PCDHGA4: variants seen among roughly 807,000 people sequenced by gnomAD.
The protein encoded by PCDHGA4 is protocadherin gamma subfamily A, 4.
PCDHGA4 carries 38 observed loss-of-function variants against 54.6 expected under a neutral mutation model. The ratio of observed to expected loss-of-function variants is 0.70; its 90% CI spans 0.54 to 0.91. The LOEUF (loss-of-function observed/expected upper bound fraction) is 0.91. Ranked by LOEUF, PCDHGA4 falls within the 40% of genes least tolerant of loss-of-function variation. The pLI is 0.00. For missense variants in PCDHGA4, 1,298 were observed against 1,220.9 expected, an observed-to-expected ratio of 1.06 and a Z score of -0.94; for synonymous variants, 511 against 512.9, an observed-to-expected ratio of 1.00 and a Z score of 0.05.
At chr5:141,364,352 T>C in intron 1 of PCDHGA4, 1 of 1,551,202 alleles carries the variant, frequency 6.4e-7, no homozygotes, top group Non-Finnish European at 8.7e-7. Context: ...ACCTAGGGGC[T>C]GGGGCTGCGG....
intron 1 of PCDHGA4, chr5:141,392,581 C>T: frequency 2.2e-6 from 1 of 463,442 alleles, no homozygotes; most frequent in Non-Finnish European, 3.8e-6. Context: ...GGACTGTAAG[C>T]GCCGCTGTTC....
Position 141,355,737 on chromosome 5 carries a change from C to T in PCDHGA4, c.630C>T (p.Ser210=). The change falls in exon 1 of 4, where the codon TCC becomes TCT. Residue 210 remains serine, a synonymous_variant. Transcript: ENST00000571252. ...AGCTCAACTCAAACGGTTACTTTTC[C>T]CTGGACGTGCAAAGTGGGGCCGATG... is the stretch of plus-strand genomic sequence containing the variant. ...GYQLNSNGYF[S]LDVQSGADGI... is the part of the protein sequence containing the mutation. 6.2e-7 allele frequency: 1 copy of T among 1,613,966 alleles called. No individual in the cohort carries two copies. Among genetic ancestry groups the T allele is most frequent in the Non-Finnish European group, 8.5e-7 (1 of 1,179,880 alleles).
At position 141,431,392 on chromosome 5, in the gene PCDHGA4, C is replaced by T. The variant is rs572129534; in HGVS notation, c.2515-63415C>T. 3 of 1,613,888 alleles carry T rather than the reference C, an allele frequency of 1.9e-6. No homozygotes were observed. Among genetic ancestry groups the T allele is most frequent in the Non-Finnish European group, 2.5e-6 (3 of 1,180,048 alleles). On this transcript the variant is annotated intron_variant, in intron 1 of 3. Transcript: ENST00000571252. The surrounding 1 kb of genome is among the most constrained non-coding windows in gnomAD (Gnocchi z 4.8). ...AAGAAAAGGCTGCTCACCACCTGGT[C>T]CTTACGGCCTCCGACGGGGGCGACC... is the stretch of plus-strand genomic sequence containing the variant.
intron 1 of PCDHGA4, among the ~76,000 whole-genome samples, chr5:141,406,263 TC>T (rs1163660392): frequency 3.9e-5 from 6 of 151,964 alleles, no homozygotes; most frequent in Non-Finnish European, 8.8e-5. Flanking sequence ...CAAACGATCT[TC>T]CTGCTTCAGT....
intron 1 of PCDHGA4, among the ~76,000 whole-genome samples, chr5:141,438,629 TATATATAC>T (rs1474630940): frequency 0.043 from 2,039 of 47,824 alleles, 19 homozygotes; most frequent in South Asian, 0.061. Flanking sequence ...TATATATATA[TATATATAC>T]ACACACACAC....
At chr5:141,444,129 T>C (rs897901109) in intron 1 of PCDHGA4, among the ~76,000 whole-genome samples, 3 of 147,096 alleles carry the variant, frequency 2.0e-5, no homozygotes, top group African/African-American at 5.0e-5. Context: ...TCTCAACAGA[T>C]ATGTGTCACT....
chr5:141,424,036 C>A, intron 1 of PCDHGA4: 1 of 1,029,606 alleles, frequency 9.7e-7, no homozygotes, highest in Non-Finnish European at 1.2e-6. Context: ...CTTTTTATTT[C>A]CATTTCAATT....
rs572270591 is a variant in PCDHGA4, at chr5:141,397,633, T to C, written c.2514+40012T>C. The stretch of plus-strand genomic sequence containing the variant: ...GGCAATACTTAGTTCTAGCTAAGAG[T>C]TCAAGGTATGTTTGCAGAATGGTGA... On this transcript the variant is annotated intron_variant, in intron 1 of 3. Coordinates refer to ENST00000571252, the MANE Select transcript of PCDHGA4 (RefSeq NM_018917.4). Among the ~76,000 whole-genome samples, 5 of 152,252 alleles carry C rather than the reference T, an allele frequency of 3.3e-5. No homozygotes were observed. In the East Asian group the frequency reaches 9.7e-4, roughly 29 times the overall value.
At position 141,490,346 on chromosome 5, in the gene PCDHGA4, T is replaced by G. The variant is rs1396321935; in HGVS notation, c.2515-4461T>G. 1.2e-6 allele frequency: 2 copies of G among 1,614,046 alleles called. No individual in the cohort carries two copies. Among genetic ancestry groups the G allele is most frequent in the African/African-American group, 2.7e-5 (2 of 74,900 alleles). ...GAGAGCACACCAGTGGGCACAGTAG[T>G]GGGGTTGTTTAATGTGCGAGACCGG... On this transcript the variant is annotated intron_variant, in intron 1 of 3. Coordinates refer to ENST00000571252, the MANE Select transcript of PCDHGA4 (RefSeq NM_018917.4). This position sits in a 1 kb window ranked among gnomAD's most constrained non-coding sequence, Gnocchi z 5.4.
chr5:141,371,918 C>T, intron 1 of PCDHGA4: 1 of 1,613,372 alleles, frequency 6.2e-7, no homozygotes, highest in African/African-American at 1.3e-5. Flanking sequence ...TGTCCGTGAG[C>T]GCGCGGAGCG....
intron 1 of PCDHGA4, chr5:141,384,578 C>T: frequency 5.0e-6 from 8 of 1,614,256 alleles, no homozygotes; most frequent in Non-Finnish European, 6.8e-6. Flanking sequence ...GACAACCCGC[C>T]CGAGATCCTG....
Position 141,357,087 on chromosome 5 carries a change from A to G in PCDHGA4, c.1980A>G (p.Ala660=). Residue 660 remains alanine (A), a synonymous_variant, in exon 1 of 4, where the codon GCA becomes GCG. Coordinates refer to ENST00000571252, the MANE Select transcript of PCDHGA4 (RefSeq NM_018917.4). ...VGLHTGEVRT[A]RALLDRDALK... The stretch of plus-strand genomic sequence containing the variant: ...TGCACACAGGCGAGGTGCGCACCGC[A>G]CGGGCCCTGCTGGACAGAGACGCGC... The G allele has an allele frequency of 1.2e-6, 2 of 1,613,882 alleles. No individual in the cohort carries two copies. Among genetic ancestry groups the G allele is most frequent in the Non-Finnish European group, 1.7e-6 (2 of 1,179,956 alleles).
In PCDHGA4 at chr5:141,413,182, G is replaced by C. The variant is rs752788034; in HGVS notation, c.2514+55561G>C. On this transcript the variant is annotated intron_variant, in intron 1 of 3. Transcript: ENST00000571252. ...ATTCTGTAACCAGACTACAATGGCCGCTCAAAGGAATCGCTCAAAGGAATC... is the reference window on the plus strand; with the variant it reads ...ATTCTGTAACCAGACTACAATGGCCCCTCAAAGGAATCGCTCAAAGGAATC... 3.1e-6 allele frequency: 5 copies of C among 1,604,164 alleles called. No homozygotes were observed. In the South Asian group the frequency reaches 5.5e-5, roughly 18 times the overall value.
At chr5:141,375,842 C>A (rs547807235) in intron 1 of PCDHGA4, 13 of 1,614,122 alleles carry the variant, frequency 8.1e-6, no homozygotes, top group Non-Finnish European at 1.1e-5. Flanking sequence ...GCCCGGCTAC[C>A]TGGTGACCAA....
chr5:141,371,651 T>C, intron 1 of PCDHGA4: 1 of 1,613,998 alleles, frequency 6.2e-7, no homozygotes, highest in Admixed American at 1.7e-5. Flanking sequence ...CAGAATACAA[T>C]GTGACGATCA....
At chr5:141,481,180 T>C (rs1354907506) in intron 1 of PCDHGA4, among the ~76,000 whole-genome samples, 1 of 152,236 alleles carries the variant, frequency 6.6e-6, no homozygotes, top group Admixed American at 6.5e-5. Flanking sequence ...CCAGCTTTAT[T>C]GGGCCAGGCC....
intron 1 of PCDHGA4, among the ~76,000 whole-genome samples, chr5:141,407,771 A>G (rs1414886829): frequency 6.6e-6 from 1 of 152,246 alleles, no homozygotes; most frequent in East Asian, 1.9e-4. Context: ...GAAATTGTGC[A>G]TAATAGATTT....
rs779462820 is a variant in PCDHGA4, at chr5:141,374,112, G to A, written c.2514+16491G>A. ...GCGCCTCCGCAGAGGCATCCGCAGC[G>A]CAGCGAGCAGGTCCTGCTCCTCACG... On this transcript the variant is annotated intron_variant, in intron 1 of 3. Coordinates refer to ENST00000571252, the MANE Select transcript of PCDHGA4 (RefSeq NM_018917.4). The A allele has an allele frequency of 5.1e-6, 8 of 1,578,426 alleles. No homozygotes were observed. The African/African-American group carries it at 9.5e-5, about 19-fold the overall frequency.
intron 1 of PCDHGA4, among the ~76,000 whole-genome samples, chr5:141,461,711 C>A (rs897443905): frequency 1.3e-5 from 2 of 152,112 alleles, no homozygotes; most frequent in African/African-American, 2.4e-5. Flanking sequence ...ACTTTTTTTG[C>A]CCAGGCTGGA....
Sources: allele counts gnomAD v4.1 joint callset (sites outside exome capture counted in the v4.1 genomes callset), GRCh38; gene constraint gnomAD v4.1.1; non-coding constraint Gnocchi (gnomAD v3.1); transcripts MANE v1.5; gene names NCBI Gene and HGNC (gene_info 2026-07-23, HGNC 2026-07-21).